Variants in NEB observed in about 807,000 individuals in gnomAD.
The protein encoded by NEB is nebulin.
A neutral mutation model predicts 952.2 loss-of-function variants in NEB; 512 were observed. The observed-to-expected ratio is 0.54, with a 90% CI of 0.50 to 0.58. NEB has a LOEUF of 0.58. Ranked by LOEUF, NEB falls within the 20% of genes least tolerant of loss-of-function variation. NEB has a pLI of 0.00. For synonymous variants in NEB, 2,900 were observed against 3,149.8 expected (o/e 0.92, Z 2.66); for missense variants, 8,428 against 9,231.1 (o/e 0.91, Z 3.56).
rs1280772761 is a variant in NEB, at chr2:151,568,332, G to A, written c.17720C>T (p.Ala5907Val). 2 of 1,613,456 alleles carry A rather than the reference G, an allele frequency of 1.2e-6. No homozygotes were observed. The highest frequency in any genetic ancestry group is 1.1e-5 in the South Asian group (1 of 91,036). The change falls in exon 112 of 182, where the codon GCT (alanine) becomes GTT (valine). Residue 5907 changes from alanine (A) to valine (V), a missense_variant. Around this residue, in one of 11 missense-constraint regions of NEB, gnomAD observed 3,374 missense variants for 3,651.5 expected, o/e 0.92. Transcript: ENST00000397345. Reference sequence around the variant, plus strand: ...AACCCATACCTGGTCCAGTATCCTAGCAGCCTCCTGGGCAGTGTGCAGCAG... The same window carrying A: ...AACCCATACCTGGTCCAGTATCCTAACAGCCTCCTGGGCAGTGTGCAGCAG... ...TPLLHTAQEA[A>V]RILDQYLYKE...
chr2:151,727,365 G>A (rs938337275), intron 5 of NEB, among the ~76,000 whole-genome samples: 14 of 152,134 alleles, frequency 9.2e-5, no homozygotes, highest in African/African-American at 3.1e-4. Flanking sequence ...TAGCTTCTGT[G>A]AACTGGCCTA....
Position 151,526,275 on chromosome 2 carries a change from G to GA in NEB, c.21946-14dup. The stretch of plus-strand genomic sequence containing the variant: ...CTTTGTATTTCAGCTTCAGGGGCAG[G>GA]AAAAGGGGCATTTCTTTAGCTCTGC... On this transcript the variant is annotated splice_polypyrimidine_tract_variant and intron_variant, in intron 148 of 181. Coordinates refer to ENST00000397345, the MANE Select transcript of NEB (RefSeq NM_001164508.2). 6.4e-7 allele frequency: 1 copy of GA among 1,565,086 alleles called. No individual in the cohort carries two copies. The highest frequency in any genetic ancestry group is 1.3e-5 in the African/African-American group (1 of 74,092).
intron 66 of NEB, 102 bp downstream of exon 66, chr2:151,631,041 A>C (rs932938210): frequency 7.0e-5 from 102 of 1,458,098 alleles, no homozygotes; most frequent in Non-Finnish European, 9.1e-5. Context: ...AAAGGTAAAA[A>C]TGCGACCCCA....
chr2:151,489,127 A>G (rs2053883066), intron 181 of NEB, among the ~76,000 whole-genome samples: 1 of 152,198 alleles, frequency 6.6e-6, no homozygotes, highest in South Asian at 2.1e-4. Flanking sequence ...ACTTTACAGT[A>G]TTCCCTTCCT....
At chr2:151,639,429 T>C in intron 62 of NEB, 45 bp from the exon 63 acceptor site, 1 of 1,394,782 alleles carries the variant, frequency 7.2e-7, no homozygotes, top group Non-Finnish European at 9.6e-7. Flanking sequence ...AAGTTCTGTG[T>C]ATAGTTAATA....
chr2:151,490,168 C>T (rs1234145553), intron 180 of NEB, 91 bp from the exon 181 acceptor site: 1 of 1,215,216 alleles, frequency 8.2e-7, no homozygotes, highest in African/African-American at 1.5e-5. Flanking sequence ...TCTTTTTCCC[C>T]CAACTTAGAA....
rs2098832796 is a variant in NEB at position 151,640,441 on chromosome 2, A to G, written c.8599T>C (p.Tyr2867His). The G allele has an allele frequency of 1.9e-6, 3 of 1,613,938 alleles. No individual in the cohort carries two copies. The highest frequency in any genetic ancestry group is 2.5e-6 in the Non-Finnish European group (3 of 1,179,876). The change falls in exon 61 of 182, where the codon TAC (tyrosine) becomes CAC (histidine). Residue 2867 changes from tyrosine (Y) to histidine (H), a missense_variant. Around this residue, in one of 11 missense-constraint regions of NEB, gnomAD observed 1,772 missense variants for 1,960.3 expected, o/e 0.90. Transcript: ENST00000397345. ...GTCCACTGGTGCAGGTAGTTCTTGT[A>G]GTCCACATCGCTGACTAAGGTCTGG... The part of the protein sequence containing the change: ...KCQTLVSDVD[Y>H]KNYLHQWTCL...
At chr2:151,702,974 G>A (rs2099682287) in intron 13 of NEB, among the ~76,000 whole-genome samples, 1 of 151,938 alleles carries the variant, frequency 6.6e-6, no homozygotes, top group Non-Finnish European at 1.5e-5. Flanking sequence ...TTACATTTGG[G>A]CATGATTTTG....
intron 66 of NEB, 118 bp from the exon 67 acceptor site, chr2:151,630,937 G>A: frequency 1.7e-6 from 2 of 1,149,438 alleles, no homozygotes; most frequent in Non-Finnish European, 2.4e-6. Context: ...TGAATATAAA[G>A]TATTCTACTG....
At chr2:151,566,666 A>G (rs1038153086) in intron 114 of NEB, among the ~76,000 whole-genome samples, 6 of 152,190 alleles carry the variant, frequency 3.9e-5, no homozygotes, top group African/African-American at 1.4e-4. Context: ...GCTCTGCATG[A>G]GGCATACTGG....
intron 61 of NEB, 83 bp downstream of exon 61, chr2:151,640,272 C>T (rs2098830592): frequency 2.4e-5 from 38 of 1,563,370 alleles, no homozygotes; most frequent in Non-Finnish European, 3.3e-5. Flanking sequence ...GGCTGGTGAG[C>T]TTGTGCCATA....
chr2:151,610,840 A>G lies in NEB; in HGVS notation c.11832T>C (p.Ala3944=). 6.3e-7 allele frequency: 1 copy of G among 1,599,138 alleles called. No homozygotes were observed. The highest frequency in any genetic ancestry group is 8.5e-7 in the Non-Finnish European group (1 of 1,172,094). The change falls in exon 79 of 182, where the codon GCT becomes GCC. Residue 3944 remains alanine, a synonymous_variant. Transcript: ENST00000397345. ...SKHLYTEAWD[A]DKTSIHVMPD... The stretch of plus-strand genomic sequence containing the variant: ...GCATCACGTGGATGGAGGTTTTGTC[A>G]GCATCCCAAGCTTCTGTGTATAAAT...
Position 151,682,944 on chromosome 2 carries a change from T to C in NEB, c.2836-175A>G, listed in dbSNP as rs2099433662. Among the ~76,000 whole-genome samples the C allele has an allele frequency of 3.3e-5, 5 of 152,234 alleles. No homozygotes were observed. The East Asian group carries it at 9.6e-4, about 29-fold the overall frequency. ...AGATATAGTAACAGCTCTTCGATTT[T>C]TGCTTTCCTTCTAACTGGCGTTATG... On this transcript the variant is annotated intron_variant, in intron 28 of 181. Coordinates refer to ENST00000397345, the MANE Select transcript of NEB (RefSeq NM_001164508.2).
chr2:151,710,513 T>G lies in NEB; in HGVS notation c.848A>C (p.Asn283Thr). ...SKQKYKEDYE[N>T]KIKGKWSETP... is the part of the protein sequence containing the mutation. ...CTCACTCCATTTGCCTTTGATTTTA[T>G]TTTCATAGTCTTCTTTGTATTTTTG... Residue 283 changes from asparagine to threonine, a missense_variant, in exon 11 of 182, where the codon AAT (asparagine) becomes ACT (threonine). Around this residue, in one of 11 missense-constraint regions of NEB, gnomAD observed 2,851 missense variants for 2,791.5 expected, o/e 1.02. Coordinates refer to ENST00000397345, the MANE Select transcript of NEB (RefSeq NM_001164508.2). The G allele has an allele frequency of 6.2e-7, 1 of 1,608,910 alleles. No homozygotes were observed. Among genetic ancestry groups the G allele is most frequent in the Non-Finnish European group, 8.5e-7 (1 of 1,176,670 alleles).
At chr2:151,714,204 A>C (rs2099753179) in intron 10 of NEB, among the ~76,000 whole-genome samples, 1 of 152,140 alleles carries the variant, frequency 6.6e-6, no homozygotes, top group African/African-American at 2.4e-5. Flanking sequence ...CAAAGAAGAA[A>C]ACAATTCCCT....
rs1248326952 is a variant in NEB, at chr2:151,524,248, C to T, written c.22479+63G>A. 3.6e-6 allele frequency: 5 copies of T among 1,371,926 alleles called. No individual in the cohort carries two copies. The East Asian group carries it at 9.2e-5, about 25-fold the overall frequency. The allele number at this position is 1,371,926 out of a possible 1,614,324, so 85.0% of individuals were successfully genotyped here. A position where few individuals can be genotyped will look rare whatever the true frequency, so the allele number is the denominator to read the frequency against. On this transcript the variant is annotated intron_variant, in intron 153 of 181. Transcript: ENST00000397345. ...TGCATTTTCAATCTGGAAATCACTT[C>T]TTCCTGCAAGGTCTTTTATAATCTC...
Position 151,625,534 on chromosome 2 carries a change from C to G in NEB, c.10452G>C (p.Glu3484Asp). 1 of 1,575,364 alleles carries G rather than the reference C, an allele frequency of 6.3e-7. No individual in the cohort carries two copies. Among genetic ancestry groups the G allele is most frequent in the Non-Finnish European group, 8.7e-7 (1 of 1,149,604 alleles). ...LARQNKINYS[E>D]SLYRQAMEEA... is the part of the protein sequence containing the mutation. ...AAAGAAATAAAACAAATGATCTTAC[C>G]TCACTATAATTTATTTTATTTTGTC... Residue 3484 changes from glutamate (E) to aspartate (D), a missense_variant and splice_region_variant, in exon 71 of 182, where the codon GAG (glutamate) becomes GAC (aspartate). Around this residue, in one of 11 missense-constraint regions of NEB, gnomAD observed 1,772 missense variants for 1,960.3 expected, o/e 0.90. Coordinates refer to ENST00000397345, the MANE Select transcript of NEB (RefSeq NM_001164508.2).
chr2:151,567,934 A>T lies in NEB; in HGVS notation c.17844+137T>A, dbSNP rs2096479694. The T allele has an allele frequency of 1.9e-5, 12 of 639,088 alleles. No individual in the cohort carries two copies. The South Asian group carries it at 2.1e-4, about 11-fold the overall frequency. 39.6% of individuals were successfully genotyped at this position (639,088 alleles called of 1,614,324 possible). A position where few individuals can be genotyped will look rare whatever the true frequency, so the allele number is the denominator to read the frequency against. ...GACCGAAAAGTGAGCAGGTACTCCA[A>T]CCATCACCAAGCCTGGCCAGGTCTG... On this transcript the variant is annotated intron_variant, in intron 113 of 181. Coordinates refer to ENST00000397345, the MANE Select transcript of NEB (RefSeq NM_001164508.2).
intron 50 of NEB, among the ~76,000 whole-genome samples, 182 bp from the exon 51 acceptor site, chr2:151,655,556 G>A (rs577705900): frequency 8.6e-5 from 13 of 151,958 alleles, no homozygotes; most frequent in African/African-American, 2.4e-4. Flanking sequence ...AATCTTTTAA[G>A]TATTTTCTAT....
Sources: gnomAD v4.1 joint callset for allele counts (sites outside exome capture counted in the v4.1 genomes callset) on GRCh38, gnomAD v4.1.1 for gene constraint, gnomAD v4.1.1 regional missense constraint, MANE v1.5 for transcripts, NCBI Gene and HGNC (gene_info 2026-07-23, HGNC 2026-07-21) for gene names.